HEATR5A: variants seen among roughly 807,000 people sequenced by gnomAD.
HEATR5A encodes HEAT repeat containing 5A.
A neutral mutation model predicts 218.8 loss-of-function variants in HEATR5A; 178 were observed. The ratio of observed to expected loss-of-function variants is 0.81; its 90% CI spans 0.72 to 0.92. The LOEUF (loss-of-function observed/expected upper bound fraction) is 0.92, where lower values mean the gene tolerates loss of function less well. HEATR5A is among the 40% of genes least tolerant of loss of function. The pLI, the probability that HEATR5A is intolerant of heterozygous loss-of-function variation, is 0.00. For missense variants in HEATR5A, 2,420 were observed against 2,418.9 expected, an observed-to-expected ratio of 1.00 and a Z score of -0.01; for synonymous variants, 864 against 871.6, an observed-to-expected ratio of 0.99 and a Z score of 0.15.
rs767858777 is a variant in HEATR5A at position 31,304,970 on chromosome 14, C to T, written c.5174G>A (p.Gly1725Glu). The change falls in exon 32 of 36, where the codon GGA becomes GAA. Residue 1725 changes from glycine (G) to glutamate (E), a missense_variant. Gly to Glu is a moderately conservative substitution (Grantham distance 98, BLOSUM62 -2). Coordinates refer to ENST00000543095, the MANE Select transcript of HEATR5A (RefSeq NM_015473.4). The part of the protein sequence containing the change: ...ATKPQILLED[G>E]SRLVSAALVI... ...CAATGCAGCTGAAACCAATCTACTT[C>T]CATCTTCTAATAGTATCTGTGGCTT... 1.2e-6 allele frequency: 2 copies of T among 1,614,008 alleles called. No homozygotes were observed. Among genetic ancestry groups the T allele is most frequent in the South Asian group, 2.2e-5 (2 of 91,070 alleles).
chr14:31,336,209 CATACATACATATATATAT>C (rs1304208791), intron 22 of HEATR5A, among the ~76,000 whole-genome samples: 16,162 of 57,376 alleles, frequency 0.28, 1,820 homozygotes, highest in Middle Eastern at 0.38. Flanking sequence ...TTTATATATA[CATACATACATATATATAT>C]ATATATATAT....
chr14:31,417,622 C>T (rs2031496802), intron 1 of HEATR5A, among the ~76,000 whole-genome samples: 1 of 151,530 alleles, frequency 6.6e-6, no homozygotes, highest in Admixed American at 6.6e-5. Flanking sequence ...TGGTGGCACG[C>T]GCCTATAATC....
At chr14:31,362,444 A>G (rs1168781205) in intron 14 of HEATR5A, among the ~76,000 whole-genome samples, 5 of 151,770 alleles carry the variant, frequency 3.3e-5, no homozygotes, top group African/African-American at 9.7e-5. Context: ...TTTTTCCTCT[A>G]ATTCAAGTTT....
intron 21 of HEATR5A, among the ~76,000 whole-genome samples, chr14:31,337,971 C>T (rs973959095): frequency 2.6e-5 from 4 of 152,268 alleles, no homozygotes; most frequent in Admixed American, 6.5e-5. Flanking sequence ...GTTCATGCAA[C>T]TATATTATAA....
chr14:31,384,592 T>C (rs11627355), intron 9 of HEATR5A, among the ~76,000 whole-genome samples: 60,180 of 150,806 alleles, frequency 0.4, 12,264 homozygotes, highest in South Asian at 0.48. Flanking sequence ...AGTGGTGCAA[T>C]CTTGGTTCAC....
chr14:31,333,102 G>T (rs1462783055), intron 22 of HEATR5A, among the ~76,000 whole-genome samples: 1 of 152,078 alleles, frequency 6.6e-6, no homozygotes. Flanking sequence ...AGAAGAAAAG[G>T]TAGAAACTAG....
intron 18 of HEATR5A, among the ~76,000 whole-genome samples, chr14:31,348,206 T>C (rs1347558963): frequency 6.6e-6 from 1 of 152,072 alleles, no homozygotes; most frequent in Non-Finnish European, 1.5e-5. Context: ...ATTATTACTT[T>C]ATCATTAAGT....
At chr14:31,297,789 T>A (rs541230922) in intron 33 of HEATR5A, 1 of 152,234 alleles carries the variant, frequency 6.6e-6, no homozygotes, top group Non-Finnish European at 1.5e-5. Flanking sequence ...TTATTATCTC[T>A]CATTTTATGG....
Position 31,293,347 on chromosome 14 carries a change from A to T in HEATR5A, c.6099T>A (p.Pro2033=), listed in dbSNP as rs756419716. The change falls in exon 36 of 36, where the codon CCT becomes CCA. Residue 2033 remains proline, a synonymous_variant. Transcript: ENST00000543095. The part of the protein sequence containing the change: ...KIPTSKYTKS[P]GKNSSIQLKT... ...TTAATTGGATGCTTGAGTTTTTTCC[A>T]GGACTCTTAGTATATTTAGATGTTG... The T allele has an allele frequency of 1.0e-5, 16 of 1,598,424 alleles. No homozygotes were observed. The highest frequency in any genetic ancestry group is 1.2e-5 in the Non-Finnish European group (14 of 1,175,670).
At chr14:31,296,103 T>C in intron 33 of HEATR5A, 40 bp from the exon 34 acceptor site, 2 of 1,545,800 alleles carry the variant, frequency 1.3e-6, no homozygotes, top group Non-Finnish European at 1.8e-6. Flanking sequence ...TCATATTTAC[T>C]GCTTTATATA....
At chr14:31,377,174 G>C (rs1902259497) in intron 11 of HEATR5A, among the ~76,000 whole-genome samples, 1 of 150,408 alleles carries the variant, frequency 6.6e-6, no homozygotes, top group African/African-American at 2.4e-5. Flanking sequence ...AAGGAATCAA[G>C]GCTCCTTGGA....
intron 1 of HEATR5A, among the ~76,000 whole-genome samples, chr14:31,418,800 T>C (rs1445342284): frequency 6.6e-6 from 1 of 152,190 alleles, no homozygotes; most frequent in Non-Finnish European, 1.5e-5. Context: ...TCAGAATAAT[T>C]TTAGAATTTA....
intron 27 of HEATR5A, 144 bp from the exon 28 acceptor site, chr14:31,313,334 T>C (rs1595086609): frequency 1.6e-6 from 1 of 639,772 alleles, no homozygotes; most frequent in East Asian, 2.6e-5. Flanking sequence ...GGCCTGTCTG[T>C]GTAACTACAC....
intron 12 of HEATR5A, 58 bp downstream of exon 12, chr14:31,374,758 G>A (rs1902167070): frequency 3.3e-6 from 5 of 1,500,148 alleles, no homozygotes; most frequent in African/African-American, 1.4e-5. Flanking sequence ...ACATGTTAAA[G>A]ACAAAGGGTG....
chr14:31,331,398 TCTA>T (rs1355262839), intron 22 of HEATR5A, among the ~76,000 whole-genome samples: 6 of 152,190 alleles, frequency 3.9e-5, no homozygotes, highest in Non-Finnish European at 8.8e-5. Context: ...CTCAACTCAA[TCTA>T]AGACCATCTC....
At chr14:31,368,566 T>C (rs1190052339) in intron 13 of HEATR5A, among the ~76,000 whole-genome samples, 1 of 152,118 alleles carries the variant, frequency 6.6e-6, no homozygotes, top group Non-Finnish European at 1.5e-5. Context: ...GGGGTCTCAC[T>C]CTGTCATCCA....
chr14:31,409,426 G>A (rs766511384), intron 1 of HEATR5A, among the ~76,000 whole-genome samples: 3 of 151,724 alleles, frequency 2.0e-5, no homozygotes, highest in East Asian at 3.9e-4. Context: ...CAGGCCAGGC[G>A]CAGTGGCTCA....
At position 31,306,868 on chromosome 14, in the gene HEATR5A, T is replaced by C; in HGVS notation, c.4830A>G (p.Ile1610Met). ...CTCGATGTAGAACATTCAGCAATTC[T>C]ATACCCAAGTCCTATCATGGAAATC... The part of the protein sequence containing the change: ...SKIGSDQDLG[I>M]ELLNVLHRVI... Residue 1610 changes from isoleucine (I) to methionine (M), a missense_variant, in exon 31 of 36, where the codon ATA becomes ATG. Coordinates refer to ENST00000543095, the MANE Select transcript of HEATR5A (RefSeq NM_015473.4). 2.5e-6 allele frequency: 4 copies of C among 1,609,204 alleles called. No individual in the cohort carries two copies. Among genetic ancestry groups the C allele is most frequent in the Non-Finnish European group, 3.4e-6 (4 of 1,176,852 alleles).
chr14:31,307,740 A>C (rs535925716), intron 30 of HEATR5A, among the ~76,000 whole-genome samples, 153 bp downstream of exon 30: 1 of 152,304 alleles, frequency 6.6e-6, no homozygotes, highest in South Asian at 2.1e-4. Flanking sequence ...ACATATGCTT[A>C]TGGCATTCTG....
Sources: gnomAD v4.1 joint callset for allele counts (sites outside exome capture counted in the v4.1 genomes callset) on GRCh38, gnomAD v4.1.1 for gene constraint, MANE v1.5 for transcripts, NCBI Gene and HGNC (gene_info 2026-07-23, HGNC 2026-07-21) for gene names.